The following MAGI1 variants were observed in gnomAD, a reference collection of about 807,000 sequenced individuals.
MAGI1 encodes membrane associated guanylate kinase, WW and PDZ domain containing 1, also known as membrane-associated guanylate kinase, WW and PDZ domain-containing protein 1.
In MAGI1, 58 loss-of-function variants were observed where a neutral mutation model predicts 139.9. That is an observed-to-expected ratio of 0.41 (90% CI 0.34 to 0.52). The LOEUF (loss-of-function observed/expected upper bound fraction) is 0.52. Ranked by LOEUF, MAGI1 falls within the 20% of genes least tolerant of loss-of-function variation. The pLI, the probability that MAGI1 is intolerant of heterozygous loss-of-function variation, is 0.12. For synonymous variants in MAGI1, 812 were observed against 737.9 expected (o/e 1.10, Z -1.63); for missense variants, 1,874 against 1,901.6 (o/e 0.99, Z 0.27).
chr3:65,548,941 G>A (rs2079662216), intron 2 of MAGI1, among the ~76,000 whole-genome samples: 1 of 152,180 alleles, frequency 6.6e-6, no homozygotes. Flanking sequence ...GCAGCAAGGG[G>A]GAAGGGAACC....
At chr3:65,429,152 G>A (rs11916256) in intron 12 of MAGI1, among the ~76,000 whole-genome samples, 6,730 of 151,952 alleles carry the variant, frequency 0.044, 258 homozygotes, top group African/African-American at 0.1. Context: ...TTTAGAGAAT[G>A]GGGTCTCAAT....
chr3:65,492,023 A>G (rs968720343), intron 3 of MAGI1, among the ~76,000 whole-genome samples: 6 of 152,354 alleles, frequency 3.9e-5, no homozygotes, highest in East Asian at 3.9e-4. Context: ...ACTGTAACAG[A>G]AGCAATTATC....
intron 1 of MAGI1, among the ~76,000 whole-genome samples, chr3:65,927,715 C>G (rs2106684255): frequency 6.6e-6 from 1 of 152,140 alleles, no homozygotes; most frequent in Non-Finnish European, 1.5e-5. Flanking sequence ...TGGAAAGGGA[C>G]TGTGGTTTGG....
chr3:65,653,241 G>A (rs1379123320), intron 1 of MAGI1, among the ~76,000 whole-genome samples: 3 of 151,964 alleles, frequency 2.0e-5, no homozygotes, highest in East Asian at 1.9e-4. Flanking sequence ...TCCACCTCCT[G>A]TACAGCTCTT....
At chr3:66,010,127 A>T (rs544489396) in intron 1 of MAGI1, among the ~76,000 whole-genome samples, 1 of 152,080 alleles carries the variant, frequency 6.6e-6, no homozygotes, top group Non-Finnish European at 1.5e-5. Context: ...ATTTTTAAAA[A>T]CAATAACGAC....
At chr3:65,459,852 G>C (rs4405857) in intron 5 of MAGI1, among the ~76,000 whole-genome samples, 83,146 of 151,928 alleles carry the variant, frequency 0.55, 24,271 homozygotes, top group East Asian at 0.94. Flanking sequence ...TGAGCTCAGA[G>C]AAGTTAAGAC....
intron 1 of MAGI1, among the ~76,000 whole-genome samples, chr3:65,980,781 T>C (rs754479545): frequency 3.3e-5 from 5 of 152,196 alleles, no homozygotes; most frequent in Admixed American, 6.5e-5. Flanking sequence ...ATATATGTGC[T>C]GTAGAGCTTA....
rs1335447079 is a variant in MAGI1 at position 65,444,493 on chromosome 3, A to G, written c.1079-1644T>C. 3.3e-5 allele frequency among the ~76,000 whole-genome samples: 5 copies of G among 152,174 alleles called. No individual in the cohort carries two copies. In the East Asian group the frequency reaches 9.6e-4, roughly 29 times the overall value. ...AACGCCATCTCTTTTCAAAATCTGC[A>G]AACTGAGATATGTGGCCTGATTATC... On this transcript the variant is annotated intron_variant, in intron 7 of 22. Transcript: ENST00000402939.
intron 1 of MAGI1, among the ~76,000 whole-genome samples, chr3:65,897,302 G>A (rs1046327440): frequency 1.4e-4 from 21 of 152,066 alleles, no homozygotes; most frequent in African/African-American, 5.1e-4. Flanking sequence ...GAGGGGCCAA[G>A]GCAGGAGGAT....
At chr3:65,943,599 C>A (rs2063416705) in intron 1 of MAGI1, among the ~76,000 whole-genome samples, 1 of 151,298 alleles carries the variant, frequency 6.6e-6, no homozygotes. Flanking sequence ...TCTCAGGAAA[C>A]AATACCCTAC....
chr3:65,446,598 T>C (rs939799519), intron 7 of MAGI1, among the ~76,000 whole-genome samples: 3 of 152,224 alleles, frequency 2.0e-5, no homozygotes, highest in African/African-American at 7.2e-5. Flanking sequence ...AGCAGAGTGA[T>C]CTGTCACACC....
intron 1 of MAGI1, among the ~76,000 whole-genome samples, chr3:65,724,210 T>C (rs2033365998): frequency 6.6e-6 from 1 of 152,220 alleles, no homozygotes; most frequent in Non-Finnish European, 1.5e-5. Flanking sequence ...AATTATAATG[T>C]AGTCATGGAG....
At position 65,759,728 on chromosome 3, in the gene MAGI1, G is replaced by A. The variant is rs17073705; in HGVS notation, c.314-137640C>T. ...CTTCATTTCAACGTCATGGGGCAAT[G>A]CTGGGACTAACAAGTTTGTGCTTGA... is the stretch of plus-strand genomic sequence containing the variant. On this transcript the variant is annotated intron_variant, in intron 1 of 22. Transcript: ENST00000402939. 1.8e-3 allele frequency among the ~76,000 whole-genome samples: 267 copies of A among 152,280 alleles called. 7 individuals carry two copies. In the East Asian group the frequency reaches 0.042, roughly 24 times the overall value.
intron 2 of MAGI1, among the ~76,000 whole-genome samples, chr3:65,498,074 C>G (rs1351571995): frequency 3.9e-5 from 6 of 152,074 alleles, no homozygotes; most frequent in African/African-American, 1.4e-4. Context: ...GAGGGGACCC[C>G]GCCTTCTCTT....
At chr3:65,546,478 T>C (rs997414976) in intron 2 of MAGI1, among the ~76,000 whole-genome samples, 2 of 152,224 alleles carry the variant, frequency 1.3e-5, no homozygotes, top group Non-Finnish European at 2.9e-5. Context: ...TATAAGCAAA[T>C]ATTTTGGCCA....
chr3:65,429,434 C>T (rs1018326236), intron 12 of MAGI1, 86 bp downstream of exon 12: 7 of 1,318,658 alleles, frequency 5.3e-6, no homozygotes, highest in African/African-American at 4.6e-5. Flanking sequence ...ATTTAAAAAG[C>T]CCCCAGTGGT....
At chr3:65,619,635 G>A (rs75426588) in intron 2 of MAGI1, among the ~76,000 whole-genome samples, 4,781 of 152,186 alleles carry the variant, frequency 0.031, 103 homozygotes, top group Middle Eastern at 0.075. Flanking sequence ...TAATCCATTA[G>A]CACAACAGGC....
Position 65,420,141 on chromosome 3 carries a change from T to C in MAGI1, c.2167+9379A>G, listed in dbSNP as rs146291208. 2.2e-3 allele frequency among the ~76,000 whole-genome samples: 339 copies of C among 152,246 alleles called. 1 individual carries two copies. Among genetic ancestry groups the C allele is most frequent in the African/African-American group, 7.7e-3 (318 of 41,554 alleles). On this transcript the variant is annotated intron_variant, in intron 12 of 22. Coordinates refer to ENST00000402939, the MANE Select transcript of MAGI1 (RefSeq NM_001033057.2). ...TGCCACAGGGACTATCTGAACACGT[T>C]ACTGAGAGCCTGTCCCTTCACCGTG...
intron 2 of MAGI1, among the ~76,000 whole-genome samples, chr3:65,553,432 A>G (rs532195805): frequency 1.3e-5 from 2 of 152,296 alleles, no homozygotes; most frequent in East Asian, 3.9e-4. Flanking sequence ...TTTTTTTAAT[A>G]TAACATCCCG....
Sources: gnomAD v4.1 joint callset for allele counts (sites outside exome capture counted in the v4.1 genomes callset) on GRCh38, gnomAD v4.1.1 for gene constraint, MANE v1.5 for transcripts, NCBI Gene and HGNC (gene_info 2026-07-23, HGNC 2026-07-21) for gene names.